The following NRG3 variants were observed in gnomAD, a reference collection of about 807,000 sequenced individuals.
The protein encoded by NRG3 is pro-neuregulin-3, membrane-bound isoform.
Under a neutral mutation model 66.9 loss-of-function variants are expected in NRG3, and 31 were observed. The ratio of observed to expected loss-of-function variants is 0.46; its 90% CI spans 0.35 to 0.63. The LOEUF is 0.63. Ranked by LOEUF, NRG3 falls within the 20% of genes least tolerant of loss-of-function variation. NRG3 has a pLI of 0.00. For missense variants in NRG3, 910 were observed against 878.9 expected (o/e 1.04, Z -0.45); for synonymous variants, 393 against 359.4 (o/e 1.09, Z -1.06).
At chr10:82,490,457 T>G (rs752269845) in intron 2 of NRG3, among the ~76,000 whole-genome samples, 3 of 152,166 alleles carry the variant, frequency 2.0e-5, no homozygotes, top group Non-Finnish European at 4.4e-5. Context: ...TTCTCCTACC[T>G]TGCTGAACAC....
At chr10:82,003,608 G>C (rs965686184) in intron 1 of NRG3, among the ~76,000 whole-genome samples, 20 of 152,168 alleles carry the variant, frequency 1.3e-4, no homozygotes, top group African/African-American at 4.8e-4. Context: ...TACATTGAAG[G>C]CTGTTTAAAG....
chr10:82,326,355 A>G (rs931795641), intron 1 of NRG3, among the ~76,000 whole-genome samples: 23 of 152,150 alleles, frequency 1.5e-4, no homozygotes, highest in Admixed American at 1.4e-3. Flanking sequence ...TTATTGCTGT[A>G]AAAAGTTTAT....
intron 1 of NRG3, among the ~76,000 whole-genome samples, chr10:82,333,451 A>G (rs2082239021): frequency 6.6e-6 from 1 of 152,216 alleles, no homozygotes; most frequent in African/African-American, 2.4e-5. Flanking sequence ...CAGAGATTAA[A>G]GAGTTACTGC....
At position 82,398,365 on chromosome 10, in the gene NRG3, T is replaced by C. The variant is rs556115163; in HGVS notation, c.953+39497T>C. Among the ~76,000 whole-genome samples, 10 of 152,280 alleles carry C rather than the reference T, an allele frequency of 6.6e-5. No homozygotes were observed. The South Asian group carries it at 1.9e-3, about 28-fold the overall frequency. ...CCAGGGCTTGTTTTTCAATACCTTT[T>C]GTTAGGTCAATATAGCCTCTCCCAA... On this transcript the variant is annotated intron_variant, in intron 2 of 8. Coordinates refer to ENST00000372141, the MANE Select transcript of NRG3 (RefSeq NM_001010848.4).
chr10:82,142,791 A>G (rs2069909045), intron 1 of NRG3, among the ~76,000 whole-genome samples: 1 of 130,140 alleles, frequency 7.7e-6, no homozygotes, highest in South Asian at 2.4e-4. Flanking sequence ...TTTTTGAGAC[A>G]GAGCAAGACT....
At chr10:82,253,539 C>T (rs2077581031) in intron 1 of NRG3, among the ~76,000 whole-genome samples, 1 of 152,168 alleles carries the variant, frequency 6.6e-6, no homozygotes, top group Admixed American at 6.5e-5. Flanking sequence ...TAGCTCTTCT[C>T]CAATCCTTCC....
intron 3 of NRG3, among the ~76,000 whole-genome samples, chr10:82,802,981 T>A (rs1405016751): frequency 6.6e-6 from 1 of 152,096 alleles, no homozygotes; most frequent in Non-Finnish European, 1.5e-5. Context: ...CCTCCCTAGG[T>A]TCCTTATTTT....
chr10:82,790,792 C>T (rs1465771420), intron 3 of NRG3, among the ~76,000 whole-genome samples: 2 of 151,722 alleles, frequency 1.3e-5, no homozygotes. Context: ...GTTTCTCAAA[C>T]CATAAAATCT....
intron 2 of NRG3, among the ~76,000 whole-genome samples, chr10:82,594,265 C>G (rs1490071068): frequency 6.6e-6 from 1 of 152,138 alleles, no homozygotes; most frequent in Non-Finnish European, 1.5e-5. Context: ...TATAAGAAAA[C>G]TCAGACTATA....
At chr10:82,560,493 A>G (rs553701198) in intron 2 of NRG3, among the ~76,000 whole-genome samples, 153 of 151,234 alleles carry the variant, frequency 1.0e-3, no homozygotes, top group Admixed American at 1.6e-3. Context: ...TTGGATAAGT[A>G]TCATATATCC....
intron 4 of NRG3, among the ~76,000 whole-genome samples, chr10:82,876,434 C>A (rs1253872774): frequency 3.3e-5 from 5 of 151,682 alleles, no homozygotes; most frequent in African/African-American, 1.2e-4. Flanking sequence ...TCTAAGGAAA[C>A]ATTTTTATGA....
intron 1 of NRG3, among the ~76,000 whole-genome samples, chr10:82,182,157 T>C (rs2073467489): frequency 6.6e-6 from 1 of 151,468 alleles, no homozygotes; most frequent in African/African-American, 2.4e-5. Context: ...CTGTATAGTC[T>C]TTTGTAGGCA....
intron 2 of NRG3, among the ~76,000 whole-genome samples, chr10:82,433,013 G>A (rs897579197): frequency 8.5e-5 from 13 of 152,090 alleles, no homozygotes; most frequent in Non-Finnish European, 5.9e-5. Context: ...GGTATTTCTG[G>A]TTCTAGATCG....
intron 1 of NRG3, among the ~76,000 whole-genome samples, chr10:82,026,355 A>G (rs568131091): frequency 2.4e-4 from 36 of 152,136 alleles, no homozygotes; most frequent in Admixed American, 4.6e-4. Context: ...TGTTATGGAC[A>G]CTGTTTTGTA....
intron 1 of NRG3, among the ~76,000 whole-genome samples, chr10:82,249,165 T>C (rs2077374724): frequency 6.6e-6 from 1 of 152,208 alleles, no homozygotes. Flanking sequence ...TTTTATTTAT[T>C]TATGTACATG....
intron 1 of NRG3, among the ~76,000 whole-genome samples, chr10:81,890,816 C>G (rs1033308157): frequency 6.6e-6 from 1 of 152,158 alleles, no homozygotes; most frequent in Admixed American, 6.5e-5. Flanking sequence ...AGGAGAGTGT[C>G]TATGCAAGCA....
At chr10:82,230,009 G>C (rs1222260869) in intron 1 of NRG3, 3 of 151,996 alleles carry the variant, frequency 2.0e-5, no homozygotes, top group Non-Finnish European at 4.4e-5. Context: ...ACAGAAAAAA[G>C]AAAAGTTCAG....
chr10:82,950,211 G>A (rs1332411980), intron 4 of NRG3, among the ~76,000 whole-genome samples: 1 of 152,188 alleles, frequency 6.6e-6, no homozygotes, highest in Non-Finnish European at 1.5e-5. Flanking sequence ...GACACAGAGA[G>A]AGAATGTATA....
At chr10:82,027,886 T>A (rs1463936312) in intron 1 of NRG3, among the ~76,000 whole-genome samples, 2 of 152,114 alleles carry the variant, frequency 1.3e-5, no homozygotes, top group Admixed American at 6.6e-5. Context: ...GAGAGCAGAA[T>A]AGTCAGGAAA....
Sources: allele counts gnomAD v4.1 joint callset (sites outside exome capture counted in the v4.1 genomes callset), GRCh38; gene constraint gnomAD v4.1.1; transcripts MANE v1.5; gene names NCBI Gene and HGNC (gene_info 2026-07-23, HGNC 2026-07-21).